VEGFA: variants seen among roughly 807,000 people sequenced by gnomAD.
VEGFA encodes vascular endothelial growth factor A.
Under a neutral mutation model 49.7 loss-of-function variants are expected in VEGFA, and 20 were observed. That is an observed-to-expected ratio of 0.40 (90% CI 0.28 to 0.58). The LOEUF is 0.58. VEGFA is among the 20% of genes least tolerant of loss of function. The probability of loss-of-function intolerance (pLI) is 0.40; values close to 1 mark genes in which losing one functional copy is unlikely to be tolerated. For synonymous variants in VEGFA, 219 were observed against 223.4 expected, an observed-to-expected ratio of 0.98 and a Z score of 0.18; for missense variants, 505 against 553.5, an observed-to-expected ratio of 0.91 and a Z score of 0.88.
chr6:43,775,499 T>C (rs1035588223), intron 2 of VEGFA: 2 of 152,248 alleles, frequency 1.3e-5, no homozygotes, highest in Non-Finnish European at 2.9e-5. Flanking sequence ...CCCATGGGAC[T>C]TGGGGATTCA....
chr6:43,772,582 C>G (rs1343649273), intron 1 of VEGFA, among the ~76,000 whole-genome samples: 1 of 152,224 alleles, frequency 6.6e-6, no homozygotes, highest in East Asian at 1.9e-4. Flanking sequence ...AAAGGAGCTC[C>G]TGCCAGCCTT....
chr6:43,783,793 T>C (rs1768746374), intron 7 of VEGFA: 1 of 152,508 alleles, frequency 6.6e-6, no homozygotes, highest in Non-Finnish European at 1.5e-5. Context: ...GAGGCCCCCT[T>C]TGCTTCAGCT....
chr6:43,774,243 G>A, intron 1 of VEGFA, 98 bp from the exon 2 acceptor site: 2 of 1,308,376 alleles, frequency 1.5e-6, no homozygotes, highest in Non-Finnish European at 2.2e-6. Flanking sequence ...AGAGGCTGTT[G>A]GTGGGAGGGA....
intron 5 of VEGFA, chr6:43,779,994 C>G: frequency 3.8e-6 from 1 of 264,822 alleles, no homozygotes; most frequent in South Asian, 4.0e-5. Flanking sequence ...CAGGCTTTGA[C>G]AGGCTGGGGA....
In VEGFA at chr6:43,777,093, C is replaced by T. The variant is rs1304213120; in HGVS notation, c.659-376C>T. The T allele has an allele frequency of 2.8e-6, 1 of 359,194 alleles. No homozygotes were observed. Among genetic ancestry groups the T allele is most frequent in the Non-Finnish European group, 5.4e-6 (1 of 183,770 alleles). 22.3% of individuals were successfully genotyped at this position (359,194 alleles called of 1,614,324 possible). On this transcript the variant is annotated intron_variant, in intron 2 of 7. Transcript: ENST00000672860. This position sits in a 1 kb window ranked among gnomAD's most constrained non-coding sequence, Gnocchi z 4.3. ...GGAGACTAGCTTGGCAAAGCTGGCT[C>T]TTCCTCCTTTTAGGGAAAGCTTAGA...
Position 43,786,089 on chromosome 6 carries a change from G to A in VEGFA, c.*1527G>A, listed in dbSNP as rs944711139. 3.3e-5 allele frequency: 6 copies of A among 179,644 alleles called. No individual in the cohort carries two copies. The Admixed American group carries it at 3.8e-4, about 11-fold the overall frequency. The allele number at this position is 179,644 out of a possible 1,614,324, so 11.1% of individuals were successfully genotyped here. ...CCCAGCACACATTCCTTTGAAATAA[G>A]GTTTCAATATACATCTACATACTAT... is the stretch of plus-strand genomic sequence containing the variant. On this transcript the variant is annotated 3_prime_UTR_variant, in exon 8 of 8. Coordinates refer to ENST00000672860, the MANE Select transcript of VEGFA (RefSeq NM_003376.6).
intron 1 of VEGFA, 89 bp from the exon 2 acceptor site, chr6:43,774,252 G>A: frequency 7.2e-7 from 1 of 1,382,404 alleles, no homozygotes; most frequent in Admixed American, 1.7e-5. Context: ...TGGTGGGAGG[G>A]AAGTGAGGAG....
chr6:43,777,292 A>T lies in VEGFA; in HGVS notation c.659-177A>T. 1 of 709,010 alleles carries T rather than the reference A, an allele frequency of 1.4e-6. No homozygotes were observed. The highest frequency in any genetic ancestry group is 2.5e-6 in the Non-Finnish European group (1 of 399,250). The allele number at this position is 709,010 out of a possible 1,614,324, so 43.9% of individuals were successfully genotyped here. On this transcript the variant is annotated intron_variant, in intron 2 of 7. Coordinates refer to ENST00000672860, the MANE Select transcript of VEGFA (RefSeq NM_003376.6). This position sits in a 1 kb window ranked among gnomAD's most constrained non-coding sequence, Gnocchi z 4.3. Reference sequence around the variant, plus strand: ...TGAAAACAGGCCTTCACCAGTGTTGATGGTGGAAAGCTTAGGGAAGTGCTT... The same window carrying T: ...TGAAAACAGGCCTTCACCAGTGTTGTTGGTGGAAAGCTTAGGGAAGTGCTT...
chr6:43,770,701 G>T lies in VEGFA; in HGVS notation c.-6G>T, dbSNP rs781428355. ...CCCCTTGGGATCCCGCAGCTGACCA[G>T]TCGCGCTGACGGACAGACAGACAGA... On this transcript the variant is annotated 5_prime_UTR_variant, in exon 1 of 8. Coordinates refer to ENST00000672860, the MANE Select transcript of VEGFA (RefSeq NM_003376.6). 11 of 1,548,574 alleles carry T rather than the reference G, an allele frequency of 7.1e-6. No homozygotes were observed. The African/African-American group carries it at 1.6e-4, about 22-fold the overall frequency.
Position 43,777,403 on chromosome 6 carries a change from T to A in VEGFA, c.659-66T>A. ...CAAAGAGTGGCATTACAGAGCTGGG[T>A]GGAGAGAGGGGCTAGCCATCTTTTG... On this transcript the variant is annotated intron_variant, in intron 2 of 7. Transcript: ENST00000672860. The surrounding 1 kb of genome is among the most constrained non-coding windows in gnomAD (Gnocchi z 4.3). 6.4e-7 allele frequency: 1 copy of A among 1,572,846 alleles called. No individual in the cohort carries two copies. Among genetic ancestry groups the A allele is most frequent in the Non-Finnish European group, 8.7e-7 (1 of 1,146,952 alleles).
At chr6:43,771,920 C>T (rs1763728820) in intron 1 of VEGFA, 1 of 696,008 alleles carries the variant, frequency 1.4e-6, no homozygotes, top group Non-Finnish European at 1.8e-6. Flanking sequence ...TCCCCGCTCG[C>T]GTCCCGCTCG....
At chr6:43,779,059 A>G (rs1013702363) in intron 5 of VEGFA, 141 bp downstream of exon 5, 13 of 1,103,206 alleles carry the variant, frequency 1.2e-5, no homozygotes, top group African/African-American at 3.1e-5. Context: ...GGTGGCAGCA[A>G]CAATGGGATG....
rs1490238295 is a variant in VEGFA, at chr6:43,771,226, C to T, written c.520C>T (p.Pro174Ser). The T allele has an allele frequency of 1.2e-6, 2 of 1,605,626 alleles. No individual in the cohort carries two copies. The highest frequency in any genetic ancestry group is 4.5e-5 in the East Asian group (2 of 44,052). ...GAGAGGGAGCGCGAGCCGCGCCGGC[C>T]CCGGTCGGGCCTCCGAAACCATGAA... Residue 174 changes from proline (P) to serine (S), a missense_variant, in exon 1 of 8, where the codon CCC (proline) becomes TCC (serine). Physicochemically the swap from Pro to Ser is moderately conservative, Grantham distance 74. Transcript: ENST00000672860.
At chr6:43,771,973 GC>G in intron 1 of VEGFA, 2 of 982,876 alleles carry the variant, frequency 2.0e-6, no homozygotes, top group Non-Finnish European at 2.4e-6. Flanking sequence ...GCGGCGCGGA[GC>G]CGATTACATC....
At chr6:43,778,242 T>C in intron 3 of VEGFA, 1 of 619,580 alleles carries the variant, frequency 1.6e-6, no homozygotes, top group Non-Finnish European at 2.9e-6. Context: ...TGTCTTGGCC[T>C]CAAGTGGAAC....
chr6:43,780,932 G>C, intron 6 of VEGFA, 129 bp downstream of exon 6: 2 of 1,606,478 alleles, frequency 1.2e-6, no homozygotes, highest in South Asian at 1.1e-5. Context: ...CTCCTGGCCC[G>C]TGTCTCTCTC....
At chr6:43,780,533 C>G in intron 5 of VEGFA, 199 bp from the exon 6 acceptor site, 1 of 680,652 alleles carries the variant, frequency 1.5e-6, no homozygotes, top group Non-Finnish European at 2.5e-6. Context: ...AAAGAGCCAT[C>G]GAGTGCTTGC....
rs1765929735 is a variant in VEGFA at position 43,777,770 on chromosome 6, C to T, written c.855+105C>T. 1 of 1,282,512 alleles carries T rather than the reference C, an allele frequency of 7.8e-7. No individual in the cohort carries two copies. Among genetic ancestry groups the T allele is most frequent in the South Asian group, 1.4e-5 (1 of 71,404 alleles). The allele number at this position is 1,282,512 out of a possible 1,614,324, so 79.4% of individuals were successfully genotyped here. The stretch of plus-strand genomic sequence containing the variant: ...TCCTGGCTAGATTTGCCTTGTCTGG[C>T]TCCTGCCCCTGAGTTGCACAGGGGA... On this transcript the variant is annotated intron_variant, in intron 3 of 7. Coordinates refer to ENST00000672860, the MANE Select transcript of VEGFA (RefSeq NM_003376.6). The surrounding 1 kb of genome is among the most constrained non-coding windows in gnomAD (Gnocchi z 4.3).
chr6:43,781,310 C>T (rs1767632496), intron 6 of VEGFA: 2 of 285,150 alleles, frequency 7.0e-6, no homozygotes, highest in South Asian at 7.1e-5. Flanking sequence ...GGCCTCCCTT[C>T]ATCTGGTGGA....
Sources: gnomAD v4.1 joint callset for allele counts (sites outside exome capture counted in the v4.1 genomes callset) on GRCh38, gnomAD v4.1.1 for gene constraint, Gnocchi (gnomAD v3.1) non-coding constraint, MANE v1.5 for transcripts, NCBI Gene and HGNC (gene_info 2026-07-23, HGNC 2026-07-21) for gene names.